RFC3: variants seen among roughly 807,000 people sequenced by gnomAD.
The protein encoded by RFC3 is replication factor C subunit 3, also known as A1 38 kDa subunit.
Under a neutral mutation model 45.1 loss-of-function variants are expected in RFC3, and 41 were observed. The observed-to-expected ratio is 0.91, with a 90% CI of 0.71 to 1.18. The LOEUF (loss-of-function observed/expected upper bound fraction) is 1.18. Ranked by LOEUF, RFC3 falls within the 50% of genes most tolerant of loss-of-function variation. The probability of loss-of-function intolerance (pLI) is 0.00; values close to 1 mark genes in which losing one functional copy is unlikely to be tolerated. For missense variants in RFC3, 423 were observed against 428.1 expected (o/e 0.99, Z 0.10); for synonymous variants, 149 against 144.0 (o/e 1.03, Z -0.25).
chr13:33,897,281 A>AT (rs75849239), intron 8 of RFC3, among the ~76,000 whole-genome samples: 7 of 151,542 alleles, frequency 4.6e-5, no homozygotes, highest in East Asian at 1.9e-4. Context: ...TACATTGTAG[A>AT]TTTTTTTTTG....
At chr13:33,883,457 A>G (rs2137605055) in intron 8 of RFC3, among the ~76,000 whole-genome samples, 1 of 152,308 alleles carries the variant, frequency 6.6e-6, no homozygotes, top group Non-Finnish European at 1.5e-5. Context: ...ACTGTTTTGC[A>G]TCTTGATTGT....
intron 8 of RFC3, among the ~76,000 whole-genome samples, chr13:33,931,883 G>C (rs1252640152): frequency 6.6e-6 from 1 of 151,966 alleles, no homozygotes; most frequent in African/African-American, 2.4e-5. Flanking sequence ...GTGAGGTGAT[G>C]ATTAAAACAG....
intron 8 of RFC3, among the ~76,000 whole-genome samples, chr13:33,898,585 T>C (rs1280449880): frequency 6.6e-6 from 1 of 151,888 alleles, no homozygotes. Flanking sequence ...AACTTAATGA[T>C]GTACCTCAAT....
intron 7 of RFC3, among the ~76,000 whole-genome samples, chr13:33,834,298 G>GTGTATATATATATATATATC (rs1302839326): frequency 9.2e-6 from 1 of 109,220 alleles, no homozygotes; most frequent in Admixed American, 1.0e-4. Context: ...TGTACTGTGT[G>GTGTATATATATATATATATC]TATATATATA....
intron 8 of RFC3, among the ~76,000 whole-genome samples, chr13:33,904,311 TC>T (rs2082659251): frequency 6.6e-6 from 1 of 152,046 alleles, no homozygotes; most frequent in Non-Finnish European, 1.5e-5. Context: ...GTTTTTTTCT[TC>T]CTAATGGCAC....
At chr13:33,895,518 G>A (rs564882459) in intron 8 of RFC3, among the ~76,000 whole-genome samples, 1 of 152,266 alleles carries the variant, frequency 6.6e-6, no homozygotes, top group East Asian at 1.9e-4. Context: ...GGTAAAAAGG[G>A]AACGCTTATA....
At chr13:33,937,211 CA>C (rs1178675356) in intron 8 of RFC3, among the ~76,000 whole-genome samples, 1 of 152,082 alleles carries the variant, frequency 6.6e-6, no homozygotes, top group Non-Finnish European at 1.5e-5. Context: ...TTTAGATATA[CA>C]AATACTTACC....
At chr13:33,968,886 C>G (rs2083099589), downstream of RFC3, among the ~76,000 whole-genome samples, 1 of 152,178 alleles carries the variant, frequency 6.6e-6, no homozygotes, top group Admixed American at 6.5e-5. Flanking sequence ...GACAAATTGA[C>G]CGCATGGCAG....
In RFC3 at chr13:33,831,368, A is replaced by T. The variant is rs368962582; in HGVS notation, c.809+14A>T. Reference sequence around the variant, plus strand: ...AACTCCACAAAGGTACCAGTATAAAATGATGACAGTAAAGCTTTCATTATC... The same window carrying T: ...AACTCCACAAAGGTACCAGTATAAATTGATGACAGTAAAGCTTTCATTATC... On this transcript the variant is annotated intron_variant, in intron 7 of 8. Coordinates refer to ENST00000380071, the MANE Select transcript of RFC3 (RefSeq NM_002915.4). The T allele has an allele frequency of 9.0e-5, 127 of 1,409,444 alleles. No homozygotes were observed. The highest frequency in any genetic ancestry group is 5.3e-4 in the Middle Eastern group (3 of 5,672). 87.3% of individuals were successfully genotyped at this position (1,409,444 alleles called of 1,614,324 possible).
intron 7 of RFC3, among the ~76,000 whole-genome samples, chr13:33,834,188 A>T (rs2082128756): frequency 7.6e-6 from 1 of 132,046 alleles, no homozygotes; most frequent in African/African-American, 3.3e-5. Flanking sequence ...TTAAGATTTA[A>T]TGTGCCAGGG....
chr13:33,873,721 G>C (rs919068014), intron 8 of RFC3, among the ~76,000 whole-genome samples: 1 of 152,140 alleles, frequency 6.6e-6, no homozygotes, highest in Non-Finnish European at 1.5e-5. Context: ...CTCATCTTTA[G>C]ACCAGGCCCC....
chr13:33,857,434 AAC>A (rs1219271125), intron 8 of RFC3, among the ~76,000 whole-genome samples: 2 of 152,136 alleles, frequency 1.3e-5, no homozygotes, highest in African/African-American at 2.4e-5. Flanking sequence ...ACCTCAAGGA[AAC>A]ACAAGTCAGC....
At chr13:33,963,578 C>T (rs1474500997) in intron 8 of RFC3, among the ~76,000 whole-genome samples, 1 of 150,594 alleles carries the variant, frequency 6.6e-6, no homozygotes, top group Non-Finnish European at 1.5e-5. Flanking sequence ...TCCCTACTCA[C>T]ATGCCTGATT....
chr13:33,850,950 T>C (rs2082272720), intron 8 of RFC3: 1 of 152,154 alleles, frequency 6.6e-6, no homozygotes, highest in African/African-American at 2.4e-5. Context: ...TACTTTCGGA[T>C]TTTTTTCCTC....
At chr13:33,929,101 G>A (rs564799298) in intron 8 of RFC3, among the ~76,000 whole-genome samples, 175 of 152,062 alleles carry the variant, frequency 1.2e-3, no homozygotes, top group African/African-American at 4.0e-3. Context: ...CTAGTTGTTC[G>A]TAAAATATGT....
In RFC3 at chr13:33,900,865, CA is replaced by C. The variant is rs555282877; in HGVS notation, c.880-65220del. On this transcript the variant is annotated intron_variant, in intron 8 of 8. Coordinates refer to the RFC3 transcript ENST00000434425. ...AAAAAAAATAATAAATATAATAATC[CA>C]ATTGAAAATGGACAAAAAATGTGAT... Among the ~76,000 whole-genome samples the C allele has an allele frequency of 1.1e-4, 17 of 149,982 alleles. No individual in the cohort carries two copies. The South Asian group carries it at 3.1e-3, about 28-fold the overall frequency.
In RFC3 at chr13:33,954,929, A is replaced by T. The variant is rs1230023995; in HGVS notation, c.880-11158A>T. Among the ~76,000 whole-genome samples the T allele has an allele frequency of 6.4e-4, 98 of 152,154 alleles. 1 individual carries two copies. Among genetic ancestry groups the T allele is most frequent in the Non-Finnish European group, 1.5e-4 (10 of 68,008 alleles). On this transcript the variant is annotated intron_variant, in intron 8 of 8. Coordinates refer to the RFC3 transcript ENST00000434425. ...ATTGCTTACTGTTGCCTCTTTTCAA[A>T]ATTCAGCACTAAGCTTAATATTGAT...
chr13:33,890,463 A>G (rs1369163364), intron 8 of RFC3, among the ~76,000 whole-genome samples: 2 of 152,184 alleles, frequency 1.3e-5, no homozygotes, highest in Non-Finnish European at 2.9e-5. Flanking sequence ...ATACCTCACA[A>G]TGGTGATTTG....
At chr13:33,835,104 CTCTTATTTTCTTCACAAAATA>C (rs775683456) in intron 7 of RFC3, 23 bp from the exon 8 acceptor site, 4 of 1,285,362 alleles carry the variant, frequency 3.1e-6, no homozygotes, top group Non-Finnish European at 4.4e-6. Flanking sequence ...GAAAAATTAC[CTCTTATTTTCTTCACAAAATA>C]CCAATTATTT....
Sources: gnomAD v4.1 joint callset for allele counts (sites outside exome capture counted in the v4.1 genomes callset) on GRCh38, gnomAD v4.1.1 for gene constraint, MANE v1.5 for transcripts, NCBI Gene and HGNC (gene_info 2026-07-23, HGNC 2026-07-21) for gene names.